Variants in FGF12 observed in about 807,000 individuals in gnomAD.
The protein encoded by FGF12 is fibroblast growth factor 12B.
FGF12 carries 14 observed loss-of-function variants against 23.6 expected under a neutral mutation model. That is an observed-to-expected ratio of 0.59 (90% CI 0.39 to 0.93). The LOEUF (loss-of-function observed/expected upper bound fraction) is 0.93, where lower values mean the gene tolerates loss of function less well. FGF12 is among the 40% of genes least tolerant of loss of function. FGF12 has a pLI of 0.00. For missense variants in FGF12, 175 were observed against 217.8 expected (o/e 0.80, Z 1.24); for synonymous variants, 62 against 77.3 (o/e 0.80, Z 1.04).
intron 2 of FGF12, among the ~76,000 whole-genome samples, chr3:192,576,984 C>G (rs1313010709): frequency 6.6e-6 from 1 of 152,098 alleles, no homozygotes; most frequent in African/African-American, 2.4e-5. Flanking sequence ...GTATGTCTCA[C>G]TCATAAGTGG....
At chr3:192,306,688 T>A (rs1397508248) in intron 4 of FGF12, among the ~76,000 whole-genome samples, 1 of 151,942 alleles carries the variant, frequency 6.6e-6, no homozygotes, top group Non-Finnish European at 1.5e-5. Context: ...CCCCAGAGAG[T>A]CGACAATGGT....
At chr3:192,192,819 C>T (rs1232650428) in intron 4 of FGF12, among the ~76,000 whole-genome samples, 1 of 152,070 alleles carries the variant, frequency 6.6e-6, no homozygotes, top group South Asian at 2.1e-4. Context: ...TCATATAATA[C>T]ATCAGCGCAT....
intron 2 of FGF12, among the ~76,000 whole-genome samples, chr3:192,661,323 A>C (rs1175316345): frequency 6.6e-6 from 1 of 152,206 alleles, no homozygotes; most frequent in Non-Finnish European, 1.5e-5. Flanking sequence ...GGAGTTTGAG[A>C]CCAGCCTGAC....
chr3:192,513,387 C>T (rs1350728412), intron 2 of FGF12, among the ~76,000 whole-genome samples: 1 of 152,042 alleles, frequency 6.6e-6, no homozygotes, highest in East Asian at 1.9e-4. Context: ...TTGCTGATTC[C>T]ATTTTGAAAG....
At chr3:192,381,479 G>A (rs1454662384) in intron 2 of FGF12, among the ~76,000 whole-genome samples, 1 of 152,094 alleles carries the variant, frequency 6.6e-6, no homozygotes, top group South Asian at 2.1e-4. Context: ...TAGTGTCCTC[G>A]TGAAATTGAC....
At chr3:192,189,494 C>T (rs970028576) in intron 4 of FGF12, among the ~76,000 whole-genome samples, 9 of 152,176 alleles carry the variant, frequency 5.9e-5, no homozygotes, top group Non-Finnish European at 1.3e-4. Flanking sequence ...TTTGTTGAAG[C>T]CCTATCCTCC....
chr3:192,230,139 A>G (rs925925137), intron 4 of FGF12, among the ~76,000 whole-genome samples: 29 of 152,110 alleles, frequency 1.9e-4, no homozygotes, highest in Admixed American at 1.7e-3. Flanking sequence ...CATTTTACCC[A>G]TATTGCCAAT....
intron 2 of FGF12, among the ~76,000 whole-genome samples, chr3:192,394,615 G>A (rs1038247179): frequency 4.6e-5 from 7 of 152,070 alleles, no homozygotes; most frequent in African/African-American, 1.7e-4. Context: ...AAACTAAGCT[G>A]AAGAGAAGAA....
chr3:192,363,513 A>G (rs1301968243), intron 2 of FGF12, among the ~76,000 whole-genome samples: 1 of 152,116 alleles, frequency 6.6e-6, no homozygotes, highest in East Asian at 1.9e-4. Flanking sequence ...TCATGTTGTG[A>G]TATGTGAAAA....
intron 2 of FGF12, among the ~76,000 whole-genome samples, chr3:192,630,987 C>A (rs1715372081): frequency 6.6e-6 from 1 of 152,062 alleles, no homozygotes; most frequent in Non-Finnish European, 1.5e-5. Context: ...TTCTGGCTTT[C>A]CCCCCAAATT....
intron 4 of FGF12, among the ~76,000 whole-genome samples, chr3:192,216,350 C>T (rs531151827): frequency 6.6e-6 from 1 of 152,324 alleles, no homozygotes; most frequent in East Asian, 1.9e-4. Flanking sequence ...CCACCCAGAT[C>T]TTGTTTTACT....
chr3:192,259,843 G>C (rs1169898039), intron 4 of FGF12, among the ~76,000 whole-genome samples: 2 of 152,006 alleles, frequency 1.3e-5, no homozygotes. Flanking sequence ...AATAAACGAG[G>C]TGTGAGGTTT....
At chr3:192,180,721 T>C (rs1352721663) in intron 4 of FGF12, among the ~76,000 whole-genome samples, 1 of 152,166 alleles carries the variant, frequency 6.6e-6, no homozygotes, top group African/African-American at 2.4e-5. Flanking sequence ...TCCCATGAAG[T>C]CAAACTAACT....
At chr3:192,462,151 C>G (rs1372858340) in intron 2 of FGF12, among the ~76,000 whole-genome samples, 1 of 152,082 alleles carries the variant, frequency 6.6e-6, no homozygotes, top group Non-Finnish European at 1.5e-5. Flanking sequence ...TTAACAAACA[C>G]TGAAACTATT....
chr3:192,301,051 A>G (rs67384681), intron 4 of FGF12, among the ~76,000 whole-genome samples: 65,332 of 151,920 alleles, frequency 0.43, 14,236 homozygotes, highest in African/African-American at 0.52. Flanking sequence ...TTAATGTGCA[A>G]GCATAGCAAA....
chr3:192,494,853 T>TAC (rs1185774752), intron 2 of FGF12, among the ~76,000 whole-genome samples: 1 of 151,742 alleles, frequency 6.6e-6, no homozygotes, highest in African/African-American at 2.4e-5. Context: ...TATATATATA[T>TAC]ATATATAAAA....
intron 4 of FGF12, among the ~76,000 whole-genome samples, chr3:192,198,954 C>G (rs1717219408): frequency 6.6e-6 from 1 of 152,144 alleles, no homozygotes; most frequent in Non-Finnish European, 1.5e-5. Flanking sequence ...TCTTTTCATT[C>G]TGGAAAATTT....
intron 2 of FGF12, among the ~76,000 whole-genome samples, chr3:192,422,939 G>GTTCCCACAT: frequency 6.6e-6 from 1 of 152,264 alleles, no homozygotes; most frequent in Non-Finnish European, 1.5e-5. Context: ...TGGCTGGGCA[G>GTTCCCACAT]GGTGGGAAAA....
At chr3:192,469,616 TTAAG>T (rs1723111906) in intron 2 of FGF12, among the ~76,000 whole-genome samples, 1 of 152,166 alleles carries the variant, frequency 6.6e-6, no homozygotes, top group African/African-American at 2.4e-5. Context: ...CTAAGTGAAA[TTAAG>T]TAGCTCTATG....
Sources: allele counts gnomAD v4.1 joint callset (sites outside exome capture counted in the v4.1 genomes callset), GRCh38; gene constraint gnomAD v4.1.1; transcripts MANE v1.5; gene names NCBI Gene and HGNC (gene_info 2026-07-23, HGNC 2026-07-21).